Variants in EML5 observed in about 807,000 individuals in gnomAD.
EML5 encodes the protein EMAP like 5, also known as echinoderm microtubule-associated protein-like 5.
In EML5, 120 loss-of-function variants were observed where a neutral mutation model predicts 250.0. The ratio of observed to expected loss-of-function variants is 0.48; its 90% CI spans 0.41 to 0.56. The LOEUF is 0.56. Ranked by LOEUF, EML5 falls within the 20% of genes least tolerant of loss-of-function variation. The pLI is 0.00. For missense variants in EML5, 2,006 were observed against 2,437.6 expected, an observed-to-expected ratio of 0.82 and a Z score of 3.73; for synonymous variants, 771 against 806.5, an observed-to-expected ratio of 0.96 and a Z score of 0.75.
At chr14:88,716,896 G>A (rs1256437793) in intron 8 of EML5, among the ~76,000 whole-genome samples, 2 of 152,058 alleles carry the variant, frequency 1.3e-5, no homozygotes, top group South Asian at 2.1e-4. Context: ...AAGCAAAGAC[G>A]ACAACTATTA....
chr14:88,633,278 T>TTTTA (rs935879711), intron 33 of EML5, among the ~76,000 whole-genome samples: 37 of 152,198 alleles, frequency 2.4e-4, no homozygotes, highest in East Asian at 3.9e-4. Context: ...GTATTTTAGT[T>TTTTA]TTTATTTATT....
Position 88,616,826 on chromosome 14 carries a change from T to C in EML5, c.5696A>G (p.Asp1899Gly), listed in dbSNP as rs748396293. ...GIWSRHAEKA[D>G]VNCACVSHSG... is the part of the protein sequence containing the mutation. ...ATGAGATACACAGGCACAGTTGACA[T>C]CAGCTTTCTCAGCATGTCTGGACCA... is the stretch of plus-strand genomic sequence containing the variant. Residue 1899 changes from aspartate to glycine, a missense_variant, in exon 42 of 44, where the codon GAT (aspartate) becomes GGT (glycine). By Grantham distance (94) the Asp-to-Gly change is moderately conservative. Transcript: ENST00000554922. The C allele has an allele frequency of 6.2e-7, 1 of 1,613,944 alleles. No individual in the cohort carries two copies. Among genetic ancestry groups the C allele is most frequent in the South Asian group, 1.1e-5 (1 of 91,084 alleles).
At chr14:88,656,261 T>C (rs1431171721) in intron 27 of EML5, among the ~76,000 whole-genome samples, 1 of 152,154 alleles carries the variant, frequency 6.6e-6, no homozygotes, top group Non-Finnish European at 1.5e-5. Context: ...ATGTGGCACA[T>C]AAACACCACG....
At chr14:88,621,079 T>G in intron 38 of EML5, 34 bp downstream of exon 38, 1 of 1,590,406 alleles carries the variant, frequency 6.3e-7, no homozygotes, top group Non-Finnish European at 8.6e-7. Context: ...TTTTAGAAGT[T>G]GTAACCTCTT....
Position 88,664,600 on chromosome 14 carries a change from G to A in EML5, c.3302C>T (p.Ala1101Val). 1 of 1,605,266 alleles carries A rather than the reference G, an allele frequency of 6.2e-7. No individual in the cohort carries two copies. Among genetic ancestry groups the A allele is most frequent in the Non-Finnish European group, 8.5e-7 (1 of 1,177,358 alleles). Reference sequence around the variant, plus strand: ...TATATCTATAAAGCTGTCATGGGATGCTACAGCAAGATATTTCCCAGAACC... The same window carrying A: ...TATATCTATAAAGCTGTCATGGGATACTACAGCAAGATATTTCCCAGAACC... Reference protein sequence around the residue: ...SPGSGKYLAVASHDSFIDIYN... With the variant: ...SPGSGKYLAVVSHDSFIDIYN... The change falls in exon 23 of 44, where the codon GCA (alanine) becomes GTA (valine). Residue 1101 changes from alanine to valine, a missense_variant. Around this residue, in one of 7 missense-constraint regions of EML5, gnomAD observed 1,375 missense variants for 1,590.3 expected, o/e 0.86. Coordinates refer to ENST00000554922, the MANE Select transcript of EML5 (RefSeq NM_183387.3).
At chr14:88,692,281 G>T (rs1398287885) in intron 17 of EML5, among the ~76,000 whole-genome samples, 11 of 152,116 alleles carry the variant, frequency 7.2e-5, no homozygotes, top group East Asian at 3.9e-4. Context: ...GGAGGCTGAG[G>T]CAGGAGAATC....
chr14:88,707,133 A>G (rs2093330938), intron 10 of EML5, among the ~76,000 whole-genome samples: 1 of 152,138 alleles, frequency 6.6e-6, no homozygotes, highest in Admixed American at 6.6e-5. Context: ...TTCAGGGGAT[A>G]TGGTCAGTTC....
At chr14:88,730,842 T>C (rs912919796) in intron 7 of EML5, among the ~76,000 whole-genome samples, 7 of 152,136 alleles carry the variant, frequency 4.6e-5, no homozygotes, top group Non-Finnish European at 5.9e-5. Context: ...ATAGAAAAAA[T>C]GGCTTAAAGA....
chr14:88,747,304 C>T (rs768780448), intron 2 of EML5, among the ~76,000 whole-genome samples: 15 of 151,974 alleles, frequency 9.9e-5, no homozygotes, highest in Non-Finnish European at 2.2e-4. Context: ...TCCATCTACT[C>T]GGGAGGCTGA....
rs867977278 is a variant in EML5, at chr14:88,662,574, A to C, written c.3498+457T>G. On this transcript the variant is annotated intron_variant, in intron 24 of 43. Coordinates refer to ENST00000554922, the MANE Select transcript of EML5 (RefSeq NM_183387.3). The stretch of plus-strand genomic sequence containing the variant: ...TTTTTTTTTTTTAATACAGGGTCTC[A>C]CTTTGTCACCCAGGCTGGAGTGTAG... Among the ~76,000 whole-genome samples, 199 of 135,352 alleles carry C rather than the reference A, an allele frequency of 1.5e-3. 2 individuals carry two copies. The highest frequency in any genetic ancestry group is 5.0e-3 in the African/African-American group (183 of 36,250). The allele number at this position is 135,352 out of a possible 152,430, so 88.8% of individuals were successfully genotyped here. A position where few individuals can be genotyped will look rare whatever the true frequency, so the allele number is the denominator to read the frequency against.
intron 27 of EML5, among the ~76,000 whole-genome samples, chr14:88,652,056 A>G (rs967921617): frequency 1.3e-5 from 2 of 152,212 alleles, no homozygotes; most frequent in Admixed American, 6.5e-5. Flanking sequence ...GTCTGACTCC[A>G]GAATTCATGT....
rs184441280 is a variant in EML5 at position 88,687,993 on chromosome 14, C to T, written c.2742+278G>A. Among the ~76,000 whole-genome samples, 30 of 152,242 alleles carry T rather than the reference C, an allele frequency of 2.0e-4. No individual in the cohort carries two copies. In the East Asian group the frequency reaches 5.8e-3, roughly 29 times the overall value. Reference sequence around the variant, plus strand: ...GGCTGAGGCAGGAGGATTTCTTGAGCCCAGGAGCTGGAGGCTGCAGTGAGC... The same window carrying T: ...GGCTGAGGCAGGAGGATTTCTTGAGTCCAGGAGCTGGAGGCTGCAGTGAGC... On this transcript the variant is annotated intron_variant, in intron 18 of 43. Transcript: ENST00000554922.
intron 2 of EML5, among the ~76,000 whole-genome samples, chr14:88,750,095 T>C (rs574036703): frequency 1.3e-5 from 2 of 152,168 alleles, no homozygotes; most frequent in Non-Finnish European, 2.9e-5. Flanking sequence ...AAAGACCAAA[T>C]GGCCCACAAA....
intron 29 of EML5, among the ~76,000 whole-genome samples, chr14:88,646,673 ATAT>A (rs2091363488): frequency 6.6e-6 from 1 of 152,166 alleles, no homozygotes; most frequent in Non-Finnish European, 1.5e-5. Flanking sequence ...AATATCATTT[ATAT>A]AAGGTATATC....
At chr14:88,675,897 T>C (rs903984221) in intron 21 of EML5, among the ~76,000 whole-genome samples, 1 of 151,938 alleles carries the variant, frequency 6.6e-6, no homozygotes, top group Admixed American at 6.6e-5. Flanking sequence ...TGAGGGAAAA[T>C]GCCACCAGTC....
At chr14:88,694,208 C>T in intron 17 of EML5, 99 bp downstream of exon 17, 1 of 735,142 alleles carries the variant, frequency 1.4e-6, no homozygotes, top group Non-Finnish European at 2.3e-6. Context: ...TGCTCTATTC[C>T]AGGATGCAGT....
intron 7 of EML5, among the ~76,000 whole-genome samples, chr14:88,731,531 G>A (rs577116446): frequency 8.5e-5 from 13 of 152,156 alleles, no homozygotes; most frequent in East Asian, 5.8e-4. Context: ...ATAAACATAC[G>A]TGTGCATGTG....
intron 5 of EML5, among the ~76,000 whole-genome samples, chr14:88,739,851 T>C (rs1484543963): frequency 6.6e-6 from 1 of 152,116 alleles, no homozygotes; most frequent in Non-Finnish European, 1.5e-5. Context: ...TTAATAGAAA[T>C]GTAATGCACT....
intron 20 of EML5, among the ~76,000 whole-genome samples, chr14:88,683,693 C>T (rs1022931407): frequency 6.6e-6 from 1 of 152,106 alleles, no homozygotes; most frequent in Non-Finnish European, 1.5e-5. Flanking sequence ...AACTAATACA[C>T]TATATCAACA....
Sources: gnomAD v4.1 joint callset for allele counts (sites outside exome capture counted in the v4.1 genomes callset) on GRCh38, gnomAD v4.1.1 for gene constraint, gnomAD v4.1.1 regional missense constraint, MANE v1.5 for transcripts, NCBI Gene and HGNC (gene_info 2026-07-23, HGNC 2026-07-21) for gene names.